Variants in MCTP2 observed in about 807,000 individuals in gnomAD.
MCTP2 encodes multiple C2 and transmembrane domain containing 2, also known as multiple C2 and transmembrane domain-containing protein 2.
Under a neutral mutation model 111.6 loss-of-function variants are expected in MCTP2, and 132 were observed. That is an observed-to-expected ratio of 1.18 (90% CI 1.03 to 1.37). MCTP2 has a LOEUF of 1.37. Among genes scored for constraint, MCTP2 ranks in the 40% most tolerant of loss-of-function variants. The pLI, the probability that MCTP2 is intolerant of heterozygous loss-of-function variation, is 0.00. For missense variants in MCTP2, 1,183 were observed against 1,067.9 expected (o/e 1.11, Z -1.50); for synonymous variants, 395 against 387.7 (o/e 1.02, Z -0.22).
intron 1 of MCTP2, among the ~76,000 whole-genome samples, chr15:94,244,379 T>A (rs1161378926): frequency 2.0e-5 from 3 of 149,768 alleles, no homozygotes; most frequent in Non-Finnish European, 4.5e-5. Flanking sequence ...TACGTATATG[T>A]ATACACATAA....
At position 94,405,922 on chromosome 15, in the gene MCTP2, C is replaced by T. The variant is rs1345963800; in HGVS notation, c.2085+3903C>T. Among the ~76,000 whole-genome samples the T allele has an allele frequency of 2.0e-5, 3 of 152,150 alleles. No individual in the cohort carries two copies. The East Asian group carries it at 5.8e-4, about 29-fold the overall frequency. ...TTCCTTCAGAAAGTAACATTCTTGA[C>T]TTTCCCATTTGAAAAACAAATTAAT... On this transcript the variant is annotated intron_variant, in intron 17 of 22. Transcript: ENST00000357742.
At chr15:94,328,168 A>T (rs574173748) in intron 4 of MCTP2, among the ~76,000 whole-genome samples, 3 of 144,968 alleles carry the variant, frequency 2.1e-5, no homozygotes, top group Non-Finnish European at 4.5e-5. Flanking sequence ...TTGCTCTGTC[A>T]CCCAGGCTGG....
At chr15:94,406,279 A>G (rs1394407846) in intron 17 of MCTP2, among the ~76,000 whole-genome samples, 4 of 152,142 alleles carry the variant, frequency 2.6e-5, no homozygotes, top group African/African-American at 9.7e-5. Flanking sequence ...TATAGAGGTC[A>G]AGTACAGTGA....
At chr15:94,282,142 T>G (rs1028431746) in intron 1 of MCTP2, among the ~76,000 whole-genome samples, 2 of 152,218 alleles carry the variant, frequency 1.3e-5, no homozygotes, top group Non-Finnish European at 2.9e-5. Context: ...AAATATGTTT[T>G]CCCAGTTGCT....
At chr15:94,399,306 A>G (rs1208772603) in intron 15 of MCTP2, among the ~76,000 whole-genome samples, 1 of 152,240 alleles carries the variant, frequency 6.6e-6, no homozygotes, top group Non-Finnish European at 1.5e-5. Flanking sequence ...AAAGTGGAAT[A>G]CAGGCTTGAA....
At chr15:94,250,964 T>C (rs965618197) in intron 1 of MCTP2, among the ~76,000 whole-genome samples, 15 of 152,356 alleles carry the variant, frequency 9.8e-5, no homozygotes, top group African/African-American at 3.6e-4. Flanking sequence ...AATACATTGA[T>C]ATCTATACTG....
chr15:94,460,170 T>C (rs1262641120), intron 20 of MCTP2, among the ~76,000 whole-genome samples: 1 of 152,180 alleles, frequency 6.6e-6, no homozygotes, highest in Non-Finnish European at 1.5e-5. Flanking sequence ...TAAGAGAGAA[T>C]TCTGGGAGAG....
chr15:94,317,117 C>T (rs1211156431), intron 4 of MCTP2, among the ~76,000 whole-genome samples: 1 of 152,158 alleles, frequency 6.6e-6, no homozygotes, highest in Non-Finnish European at 1.5e-5. Context: ...TTGACAATCC[C>T]ATCCCTTTTT....
chr15:94,382,413 G>A (rs74707963), intron 12 of MCTP2, among the ~76,000 whole-genome samples: 2,654 of 152,280 alleles, frequency 0.017, 62 homozygotes, highest in African/African-American at 0.061. Context: ...TATGTCTGTG[G>A]CTTGATCATT....
rs569151677 is a variant in MCTP2, at chr15:94,340,385, A to T, written c.857+110A>T. ...ATGACAAAAATAACATATCTGAACAAATGAAAGAGAGCTTTAAAGTGTTAT... is the reference window on the plus strand; with the variant it reads ...ATGACAAAAATAACATATCTGAACATATGAAAGAGAGCTTTAAAGTGTTAT... On this transcript the variant is annotated intron_variant, in intron 6 of 22. Transcript: ENST00000357742. The T allele has an allele frequency of 3.6e-3, 2,970 of 817,630 alleles. 9 individuals are homozygous for T. The highest frequency in any genetic ancestry group is 5.2e-3 in the Non-Finnish European group (2,593 of 496,254). 50.6% of individuals were successfully genotyped at this position (817,630 alleles called of 1,614,324 possible).
intron 2 of MCTP2, among the ~76,000 whole-genome samples, chr15:94,311,539 C>A (rs1300054679): frequency 6.6e-6 from 1 of 152,132 alleles, no homozygotes; most frequent in Non-Finnish European, 1.5e-5. Context: ...TATGTGTCCC[C>A]CAGCGGCTGT....
rs1183957529 is a variant in MCTP2, at chr15:94,243,699, GTA to G, written c.-66+12040_-66+12041del. On this transcript the variant is annotated intron_variant, in intron 1 of 22. Coordinates refer to ENST00000357742, the MANE Select transcript of MCTP2 (RefSeq NM_001385001.1). ...CATATATGTATACACATACATATGC[GTA>G]TATACACATATATGTATACACATAC... is the stretch of plus-strand genomic sequence containing the variant. Among the ~76,000 whole-genome samples, 8 of 133,944 alleles carry G rather than the reference GTA, an allele frequency of 6.0e-5. 1 individual carries two copies. In the South Asian group the frequency reaches 1.2e-3, roughly 20 times the overall value. The allele number at this position is 133,944 out of a possible 152,430, so 87.9% of individuals were successfully genotyped here. A position where few individuals can be genotyped will look rare whatever the true frequency, so the allele number is the denominator to read the frequency against.
At chr15:94,315,384 G>A in intron 3 of MCTP2, 145 bp from the exon 4 acceptor site, 2 of 597,098 alleles carry the variant, frequency 3.3e-6, no homozygotes, top group Non-Finnish European at 6.0e-6. Context: ...GGGTAACCAA[G>A]TTGTCATAGT....
At chr15:94,334,795 G>A (rs1189128384) in intron 4 of MCTP2, among the ~76,000 whole-genome samples, 2 of 151,936 alleles carry the variant, frequency 1.3e-5, no homozygotes, top group African/African-American at 2.4e-5. Flanking sequence ...TGATCCTCCT[G>A]CCTTGACCTC....
At chr15:94,440,373 T>C (rs2083711811) in intron 18 of MCTP2, 75 bp downstream of exon 18, 1 of 1,580,754 alleles carries the variant, frequency 6.3e-7, no homozygotes. Flanking sequence ...CACCACCAAA[T>C]CATGGCCCAA....
chr15:94,290,363 G>A (rs2074977897), intron 1 of MCTP2, among the ~76,000 whole-genome samples: 1 of 152,054 alleles, frequency 6.6e-6, no homozygotes, highest in South Asian at 2.1e-4. Flanking sequence ...ATAAAATGTG[G>A]AAAGTTAACT....
intron 1 of MCTP2, among the ~76,000 whole-genome samples, chr15:94,233,772 T>A (rs373311605): frequency 2.6e-5 from 4 of 152,240 alleles, no homozygotes; most frequent in African/African-American, 9.6e-5. Flanking sequence ...AAAGTAATTT[T>A]CAAATTAAAA....
At chr15:94,342,584 C>T (rs1020469116) in intron 7 of MCTP2, 6 of 143,660 alleles carry the variant, frequency 4.2e-5, no homozygotes, top group African/African-American at 1.7e-4. Context: ...ATTTTTATCC[C>T]CATATATACA....
At chr15:94,401,512 GTATCTCTCTT>G (rs2081586934) in intron 16 of MCTP2, among the ~76,000 whole-genome samples, 1 of 152,084 alleles carries the variant, frequency 6.6e-6, no homozygotes, top group Non-Finnish European at 1.5e-5. Context: ...TTCTGTGTCT[GTATCTCTCTT>G]TATCTCTCTC....
Sources: gnomAD v4.1 joint callset for allele counts (sites outside exome capture counted in the v4.1 genomes callset) on GRCh38, gnomAD v4.1.1 for gene constraint, MANE v1.5 for transcripts, NCBI Gene and HGNC (gene_info 2026-07-23, HGNC 2026-07-21) for gene names.